The following SRGAP1 variants were observed in gnomAD, a reference collection of about 807,000 sequenced individuals.
SRGAP1 encodes the protein SLIT-ROBO Rho GTPase activating protein 1, also known as SLIT-ROBO Rho GTPase-activating protein 1.
Under a neutral mutation model 121.9 loss-of-function variants are expected in SRGAP1, and 43 were observed. That is an observed-to-expected ratio of 0.35 (90% CI 0.28 to 0.46). The LOEUF is 0.46. SRGAP1 is among the 20% of genes least tolerant of loss of function. SRGAP1 has a pLI of 1.00. For missense variants in SRGAP1, 1,102 were observed against 1,350.9 expected, an observed-to-expected ratio of 0.82 and a Z score of 2.89; for synonymous variants, 447 against 485.4, an observed-to-expected ratio of 0.92 and a Z score of 1.04.
chr12:63,992,412 G>C (rs1405332396), intron 3 of SRGAP1, among the ~76,000 whole-genome samples: 1 of 152,214 alleles, frequency 6.6e-6, no homozygotes, highest in African/African-American at 2.4e-5. Flanking sequence ...GGCAGAAGGA[G>C]AGGCTGCACC....
At chr12:64,062,575 G>A (rs960314403) in intron 6 of SRGAP1, among the ~76,000 whole-genome samples, 3 of 151,306 alleles carry the variant, frequency 2.0e-5, no homozygotes, top group Non-Finnish European at 2.9e-5. Context: ...GGAGTGCAGT[G>A]GCACTATCTT....
At chr12:64,100,497 CA>C (rs1417394335) in intron 15 of SRGAP1, among the ~76,000 whole-genome samples, 27 of 152,176 alleles carry the variant, frequency 1.8e-4, no homozygotes, top group Admixed American at 1.8e-3. Flanking sequence ...TGTATTAAAA[CA>C]ATGGATTAAT....
At chr12:63,932,297 A>G (rs903766349) in intron 1 of SRGAP1, among the ~76,000 whole-genome samples, 1 of 152,188 alleles carries the variant, frequency 6.6e-6, no homozygotes, top group Non-Finnish European at 1.5e-5. Context: ...ACAACAAAAA[A>G]ATAGATTCTG....
chr12:63,986,468 G>C (rs2033418775), intron 2 of SRGAP1, among the ~76,000 whole-genome samples: 1 of 151,316 alleles, frequency 6.6e-6, no homozygotes, highest in Non-Finnish European at 1.5e-5. Context: ...CTGTCGCCCA[G>C]GCTGGAGTGC....
At chr12:64,025,185 G>A (rs2034628021) in intron 4 of SRGAP1, among the ~76,000 whole-genome samples, 1 of 151,718 alleles carries the variant, frequency 6.6e-6, no homozygotes, top group African/African-American at 2.4e-5. Context: ...ATTTTTTAGA[G>A]GGAATGAAAA....
chr12:63,972,085 G>C (rs963446618), intron 1 of SRGAP1, among the ~76,000 whole-genome samples: 1 of 152,192 alleles, frequency 6.6e-6, no homozygotes, highest in Non-Finnish European at 1.5e-5. Context: ...TGGGCATCAT[G>C]GCTCATGCCT....
chr12:63,886,954 A>G (rs1565936511), intron 1 of SRGAP1, among the ~76,000 whole-genome samples: 1 of 151,668 alleles, frequency 6.6e-6, no homozygotes, highest in East Asian at 1.9e-4. Flanking sequence ...GCTCACTGCA[A>G]CCTCCTCCTC....
At chr12:63,996,114 A>AATAG (rs1449869597) in intron 3 of SRGAP1, among the ~76,000 whole-genome samples, 5 of 151,988 alleles carry the variant, frequency 3.3e-5, no homozygotes, top group African/African-American at 1.2e-4. Flanking sequence ...TGAATATAAA[A>AATAG]ATAGATATAG....
chr12:64,011,041 G>A (rs1232847233), intron 3 of SRGAP1, among the ~76,000 whole-genome samples: 1 of 151,982 alleles, frequency 6.6e-6, no homozygotes, highest in African/African-American at 2.4e-5. Context: ...GAGAAGGAGG[G>A]AGAGTCTAGG....
intron 10 of SRGAP1, among the ~76,000 whole-genome samples, chr12:64,083,729 G>T (rs2035889539): frequency 2.0e-5 from 3 of 151,670 alleles, no homozygotes; most frequent in African/African-American, 7.3e-5. Context: ...TTTCAGTAAT[G>T]AGCCTTAATG....
chr12:64,142,547 A>C lies in SRGAP1; in HGVS notation c.3133A>C (p.Arg1045=). 6.2e-7 allele frequency: 1 copy of C among 1,614,218 alleles called. No homozygotes were observed. The highest frequency in any genetic ancestry group is 1.1e-5 in the South Asian group (1 of 91,082). The change falls in exon 22 of 22, where the codon AGA becomes CGA. Residue 1045 remains arginine, a synonymous_variant. Transcript: ENST00000355086. ...MSTFKPMVAP[R]MGVQLKPPAL... ...TACTTTCAAGCCTATGGTGGCACCC[A>C]GAATGGGCGTGCAGCTGAAGCCTCC...
intron 1 of SRGAP1, chr12:63,872,026 G>A (rs1423752810): frequency 1.2e-6 from 1 of 812,058 alleles, no homozygotes; most frequent in African/African-American, 1.7e-5. Flanking sequence ...GGTTCTTCGG[G>A]TTTAGGTACG....
At chr12:63,919,523 C>T (rs111874943) in intron 1 of SRGAP1, among the ~76,000 whole-genome samples, 6,537 of 126,686 alleles carry the variant, frequency 0.052, 564 homozygotes, top group African/African-American at 0.18. Flanking sequence ...TATATATATA[C>T]ACATACACAC....
intron 3 of SRGAP1, among the ~76,000 whole-genome samples, chr12:64,002,299 A>T (rs554364379): frequency 3.3e-5 from 5 of 152,134 alleles, no homozygotes; most frequent in Admixed American, 6.5e-5. Context: ...ACTACCTACA[A>T]CTCTGAAATA....
At chr12:63,936,867 A>T (rs191665623) in intron 1 of SRGAP1, among the ~76,000 whole-genome samples, 11 of 152,336 alleles carry the variant, frequency 7.2e-5, no homozygotes, top group African/African-American at 2.6e-4. Context: ...TATACTGATG[A>T]TGAAACTGAA....
At chr12:63,925,224 A>G (rs2031215071) in intron 1 of SRGAP1, among the ~76,000 whole-genome samples, 2 of 152,222 alleles carry the variant, frequency 1.3e-5, no homozygotes, top group African/African-American at 4.8e-5. Context: ...ACCAGCATTC[A>G]TATTCAAGGT....
chr12:63,859,206 C>G (rs1364555338), intron 1 of SRGAP1, among the ~76,000 whole-genome samples: 1 of 152,116 alleles, frequency 6.6e-6, no homozygotes, highest in African/African-American at 2.4e-5. Flanking sequence ...AGGTCTTACT[C>G]TGTCATCCAG....
intron 21 of SRGAP1, among the ~76,000 whole-genome samples, chr12:64,141,990 A>G (rs2036972352): frequency 6.6e-6 from 1 of 152,172 alleles, no homozygotes; most frequent in Admixed American, 6.5e-5. Context: ...CCCTGCCTCA[A>G]AAGAAAAAAA....
intron 8 of SRGAP1, among the ~76,000 whole-genome samples, chr12:64,066,766 C>T (rs1262646026): frequency 3.9e-5 from 6 of 152,138 alleles, no homozygotes; most frequent in Non-Finnish European, 5.9e-5. Flanking sequence ...CAAAGGAAAG[C>T]TATTGCTCAC....
Sources: allele counts gnomAD v4.1 joint callset (sites outside exome capture counted in the v4.1 genomes callset), GRCh38; gene constraint gnomAD v4.1.1; transcripts MANE v1.5; gene names NCBI Gene and HGNC (gene_info 2026-07-23, HGNC 2026-07-21).